The following HFM1 variants were observed in gnomAD, a reference collection of about 807,000 sequenced individuals.
The protein encoded by HFM1 is helicase for meiosis 1, also known as probable ATP-dependent DNA helicase HFM1.
Under a neutral mutation model 192.1 loss-of-function variants are expected in HFM1, and 169 were observed. The observed-to-expected ratio is 0.88, with a 90% confidence interval of 0.78 to 1.00. The LOEUF (loss-of-function observed/expected upper bound fraction) is 1.00, where lower values mean the gene tolerates loss of function less well. HFM1 is among the 50% of genes least tolerant of loss of function. HFM1 has a pLI of 0.00. For synonymous variants in HFM1, 525 were observed against 537.8 expected (o/e 0.98, Z 0.33); for missense variants, 1,661 against 1,668.0 (o/e 1.00, Z 0.07).
intron 1 of HFM1, chr1:91,404,568 C>G (rs1057280209): frequency 3.6e-5 from 9 of 252,430 alleles, no homozygotes; most frequent in South Asian, 3.1e-4. Context: ...CCCGAGCGCG[C>G]CGCAGGCCTC....
intron 30 of HFM1, among the ~76,000 whole-genome samples, chr1:91,306,401 T>C (rs1649614919): frequency 6.6e-6 from 1 of 152,170 alleles, no homozygotes; most frequent in Non-Finnish European, 1.5e-5. Context: ...TTTTTTTAAA[T>C]CATAAATGAG....
intron 35 of HFM1, among the ~76,000 whole-genome samples, chr1:91,267,254 C>A (rs1665854790): frequency 6.6e-6 from 1 of 152,090 alleles, no homozygotes; most frequent in Non-Finnish European, 1.5e-5. Context: ...ACTAATCTTT[C>A]TTTCTTATTT....
chr1:91,352,745 A>G (rs41286785), intron 15 of HFM1, 94 bp from the exon 16 acceptor site: 91,114 of 921,068 alleles, frequency 0.099, 4,766 homozygotes, highest in African/African-American at 0.15. Flanking sequence ...AATGTAATAA[A>G]AACTCATACA....
At chr1:91,292,256 C>A (rs1668853857) in intron 30 of HFM1, among the ~76,000 whole-genome samples, 1 of 139,914 alleles carries the variant, frequency 7.1e-6, no homozygotes, top group African/African-American at 2.7e-5. Context: ...AAGAGGAAGT[C>A]AAATTGTCCC....
At chr1:91,299,300 T>G (rs937867279) in intron 30 of HFM1, among the ~76,000 whole-genome samples, 6 of 152,134 alleles carry the variant, frequency 3.9e-5, no homozygotes, top group Non-Finnish European at 7.3e-5. Flanking sequence ...CTTAGAGACC[T>G]ACAAAGAGAC....
chr1:91,345,749 C>T (rs1426874460), intron 19 of HFM1, among the ~76,000 whole-genome samples: 1 of 152,086 alleles, frequency 6.6e-6, no homozygotes, highest in Admixed American at 6.6e-5. Context: ...AGTCTAAGAC[C>T]CTCATTCCAG....
chr1:91,382,240 T>A (rs1465132945), intron 6 of HFM1, among the ~76,000 whole-genome samples: 2 of 152,196 alleles, frequency 1.3e-5, no homozygotes, highest in Non-Finnish European at 2.9e-5. Context: ...TTCTACACCC[T>A]GAGCCACAAA....
chr1:91,293,493 A>T (rs1393882115), intron 30 of HFM1, among the ~76,000 whole-genome samples: 1 of 151,664 alleles, frequency 6.6e-6, no homozygotes, highest in African/African-American at 2.4e-5. Flanking sequence ...TCAAAACCAC[A>T]ATGAGATACC....
chr1:91,369,861 A>G (rs1659919816), intron 13 of HFM1, among the ~76,000 whole-genome samples: 1 of 152,216 alleles, frequency 6.6e-6, no homozygotes, highest in Non-Finnish European at 1.5e-5. Flanking sequence ...AATAAAGAAG[A>G]AAAGAGAGAA....
chr1:91,349,681 G>A (rs2101711201), intron 18 of HFM1, among the ~76,000 whole-genome samples: 1 of 152,306 alleles, frequency 6.6e-6, no homozygotes, highest in Middle Eastern at 3.4e-3. Context: ...GATGACTGCA[G>A]CCCTAGCTGA....
chr1:91,384,771 GTCTCAC>G (rs1661974608), intron 6 of HFM1, among the ~76,000 whole-genome samples: 1 of 147,436 alleles, frequency 6.8e-6, no homozygotes, highest in Non-Finnish European at 1.5e-5. Flanking sequence ...TTGAGATGGA[GTCTCAC>G]TCTTTTGCCA....
chr1:91,390,431 C>CAA (rs35060980), intron 4 of HFM1, among the ~76,000 whole-genome samples: 14 of 140,324 alleles, frequency 1.0e-4, no homozygotes, highest in Middle Eastern at 3.6e-3. Context: ...GTAAGACTCC[C>CAA]AAAGAAAAAA....
chr1:91,290,214 T>G (rs1010713973), intron 30 of HFM1, among the ~76,000 whole-genome samples: 3 of 152,062 alleles, frequency 2.0e-5, no homozygotes, highest in Admixed American at 6.6e-5. Flanking sequence ...TAACTTTAAA[T>G]GTACATGGAC....
In HFM1 at chr1:91,404,707, G is replaced by T. The variant is rs570906283; in HGVS notation, c.-28+91C>A. The stretch of plus-strand genomic sequence containing the variant: ...CAGACGGCTCTAGAGATCGACCGCT[G>T]CCCGGACGGCTCGGCTGGGTCCCCA... On this transcript the variant is annotated intron_variant, in intron 1 of 38. Coordinates refer to ENST00000370425, the MANE Select transcript of HFM1 (RefSeq NM_001017975.6). The T allele has an allele frequency of 2.8e-5, 11 of 396,398 alleles. No homozygotes were observed. The East Asian group carries it at 8.5e-4, about 31-fold the overall frequency. 24.6% of individuals were successfully genotyped at this position (396,398 alleles called of 1,614,324 possible).
At chr1:91,381,808 C>T (rs954546267) in intron 6 of HFM1, among the ~76,000 whole-genome samples, 12 of 152,220 alleles carry the variant, frequency 7.9e-5, no homozygotes, top group Middle Eastern at 3.4e-3. Context: ...AAGAACATAT[C>T]TGAGAACACA....
chr1:91,400,880 T>C (rs977769678), intron 2 of HFM1, 132 bp downstream of exon 2: 16 of 520,144 alleles, frequency 3.1e-5, no homozygotes, highest in Non-Finnish European at 5.1e-5. Context: ...TTACCAAATA[T>C]GTAACTGAAA....
intron 30 of HFM1, among the ~76,000 whole-genome samples, chr1:91,282,268 G>A (rs1327397045): frequency 6.6e-6 from 1 of 151,808 alleles, no homozygotes. Context: ...CTTTATGTTC[G>A]AGACCTCCGG....
intron 13 of HFM1, among the ~76,000 whole-genome samples, chr1:91,372,688 A>G (rs941511262): frequency 3.9e-5 from 6 of 152,234 alleles, no homozygotes; most frequent in African/African-American, 1.4e-4. Context: ...TACATATGTA[A>G]CAAAACTGCA....
At chr1:91,324,617 C>A in intron 21 of HFM1, 58 bp downstream of exon 21, 1 of 794,660 alleles carries the variant, frequency 1.3e-6, no homozygotes. Flanking sequence ...AGTTGTTTCT[C>A]AAATATTATT....
Sources: gnomAD v4.1 joint callset for allele counts (sites outside exome capture counted in the v4.1 genomes callset) on GRCh38, gnomAD v4.1.1 for gene constraint, MANE v1.5 for transcripts, NCBI Gene and HGNC (gene_info 2026-07-23, HGNC 2026-07-21) for gene names.